The following RANBP17 variants were observed in gnomAD, a reference collection of about 807,000 sequenced individuals.
RANBP17 encodes ran-binding protein 17.
RANBP17 carries 158 observed loss-of-function variants against 141.2 expected under a neutral mutation model. The observed-to-expected ratio is 1.12, with a 90% CI of 0.98 to 1.28. RANBP17 has a LOEUF of 1.28. Ranked by LOEUF, RANBP17 falls within the 50% of genes most tolerant of loss-of-function variation. RANBP17 has a pLI of 0.00. For synonymous variants in RANBP17, 430 were observed against 450.0 expected (o/e 0.96, Z 0.56); for missense variants, 1,438 against 1,290.7 (o/e 1.11, Z -1.75).
At chr5:171,108,237 G>A (rs1754984046) in intron 14 of RANBP17, among the ~76,000 whole-genome samples, 1 of 152,030 alleles carries the variant, frequency 6.6e-6, no homozygotes, top group South Asian at 2.1e-4. Context: ...AGGTGGGGGA[G>A]GGTCTTAATT....
At chr5:171,063,950 G>A (rs980581575) in intron 14 of RANBP17, among the ~76,000 whole-genome samples, 6 of 152,224 alleles carry the variant, frequency 3.9e-5, no homozygotes, top group African/African-American at 9.6e-5. Flanking sequence ...CTCCGTGGGC[G>A]TAGGACCCTC....
intron 18 of RANBP17, among the ~76,000 whole-genome samples, chr5:171,195,491 G>A (rs540097953): frequency 7.2e-5 from 11 of 152,182 alleles, no homozygotes; most frequent in Non-Finnish European, 1.0e-4. Context: ...GACTAAAAAC[G>A]TAAACATTTC....
chr5:171,035,557 AG>A (rs1298886081), intron 14 of RANBP17, among the ~76,000 whole-genome samples: 1 of 144,728 alleles, frequency 6.9e-6, no homozygotes, highest in Non-Finnish European at 1.5e-5. Flanking sequence ...TTTGTTTTTT[AG>A]GGTTTTTTTT....
intron 14 of RANBP17, among the ~76,000 whole-genome samples, chr5:171,061,411 C>T (rs7380259): frequency 0.024 from 2,488 of 102,746 alleles, 53 homozygotes; most frequent in East Asian, 0.1. Flanking sequence ...GCCTTCATTT[C>T]GTTATGTACC....
rs778161147 is a variant in RANBP17 at position 170,953,718 on chromosome 5, G to A, written c.1574+16G>A. On this transcript the variant is annotated intron_variant, in intron 13 of 27. Coordinates refer to ENST00000523189, the MANE Select transcript of RANBP17 (RefSeq NM_022897.5). ...TATCCTGTCGGTAAGTAAGAGCTATGTAATTTACTGAAATTCACTAAATAG... is the reference window on the plus strand; with the variant it reads ...TATCCTGTCGGTAAGTAAGAGCTATATAATTTACTGAAATTCACTAAATAG... 11 of 1,487,108 alleles carry A rather than the reference G, an allele frequency of 7.4e-6. No individual in the cohort carries two copies. In the East Asian group the frequency reaches 2.0e-4, roughly 28 times the overall value. The allele number at this position is 1,487,108 out of a possible 1,614,324, so 92.1% of individuals were successfully genotyped here.
rs1360101915 is a variant in RANBP17, at chr5:171,155,027, GAAAT to G, written c.1711-15102_1711-15099del. ...CGGGAGGCAGAGGTTGCAGTGAGCT[GAAAT>G]CACGCCACTGCACTCCAGCCTGGGC... On this transcript the variant is annotated intron_variant, in intron 14 of 27. Coordinates refer to ENST00000523189, the MANE Select transcript of RANBP17 (RefSeq NM_022897.5). Among the ~76,000 whole-genome samples the G allele has an allele frequency of 8.0e-5, 11 of 138,220 alleles. No individual in the cohort carries two copies. In the East Asian group the frequency reaches 2.2e-3, roughly 27 times the overall value. The allele number at this position is 138,220 out of a possible 152,430, so 90.7% of individuals were successfully genotyped here.
At chr5:171,140,360 C>G (rs1243576676) in intron 14 of RANBP17, among the ~76,000 whole-genome samples, 1 of 152,190 alleles carries the variant, frequency 6.6e-6, no homozygotes, top group Non-Finnish European at 1.5e-5. Context: ...GAATATTTAT[C>G]AAGCTCACAT....
rs766122537 is a variant in RANBP17, at chr5:170,911,151, G to T, written c.760+17G>T. The T allele has an allele frequency of 1.9e-6, 3 of 1,608,622 alleles. No individual in the cohort carries two copies. Among genetic ancestry groups the T allele is most frequent in the Non-Finnish European group, 2.6e-6 (3 of 1,176,250 alleles). On this transcript the variant is annotated intron_variant, in intron 7 of 27. Coordinates refer to ENST00000523189, the MANE Select transcript of RANBP17 (RefSeq NM_022897.5). ...GGAGAACAAGTAAGAAAAAACTTTG[G>T]TATGAAGGGTCATCAACATAAAGGC...
At chr5:171,050,374 A>G (rs1170204145) in intron 14 of RANBP17, among the ~76,000 whole-genome samples, 2 of 152,236 alleles carry the variant, frequency 1.3e-5, no homozygotes, top group Non-Finnish European at 2.9e-5. Context: ...CACTCTTTGT[A>G]TATAACATAT....
At chr5:171,094,735 G>A (rs1459787340) in intron 14 of RANBP17, among the ~76,000 whole-genome samples, 2 of 152,098 alleles carry the variant, frequency 1.3e-5, no homozygotes, top group Non-Finnish European at 2.9e-5. Context: ...CTTGCTATAT[G>A]GTAGTATCTG....
At chr5:170,874,341 A>T (rs1266740501) in intron 1 of RANBP17, among the ~76,000 whole-genome samples, 1 of 152,218 alleles carries the variant, frequency 6.6e-6, no homozygotes, top group Non-Finnish European at 1.5e-5. Context: ...GATATCTATC[A>T]GGTCCCCTTG....
chr5:170,938,542 C>G (rs1774069361), intron 12 of RANBP17, among the ~76,000 whole-genome samples: 1 of 152,032 alleles, frequency 6.6e-6, no homozygotes, highest in Non-Finnish European at 1.5e-5. Context: ...GAATATAAAG[C>G]AATTATGTGC....
intron 24 of RANBP17, among the ~76,000 whole-genome samples, chr5:171,254,176 G>A (rs1328252995): frequency 6.6e-6 from 1 of 151,720 alleles, no homozygotes; most frequent in East Asian, 1.9e-4. Flanking sequence ...GAACCTGGGG[G>A]GCGGAGGTTG....
chr5:170,922,882 A>T (rs1391272379), intron 11 of RANBP17, among the ~76,000 whole-genome samples: 2 of 152,082 alleles, frequency 1.3e-5, no homozygotes, highest in Non-Finnish European at 2.9e-5. Context: ...GAAATGCAGA[A>T]ATCACCCATC....
At chr5:171,202,851 A>G (rs757490920) in intron 19 of RANBP17, among the ~76,000 whole-genome samples, 1 of 152,176 alleles carries the variant, frequency 6.6e-6, no homozygotes. Flanking sequence ...TTGTTATTAT[A>G]TAGTAGAATT....
intron 16 of RANBP17, among the ~76,000 whole-genome samples, chr5:171,180,294 C>T (rs951188264): frequency 5.3e-5 from 8 of 152,168 alleles, no homozygotes; most frequent in African/African-American, 1.9e-4. Context: ...TCTGATATAG[C>T]CTAGTGAAAA....
chr5:170,919,530 AC>A lies in RANBP17; in HGVS notation c.1195del (p.His399ThrfsTer3), dbSNP rs1210622042. On this transcript the variant is annotated frameshift_variant, in exon 11 of 28. Coordinates refer to ENST00000523189, the MANE Select transcript of RANBP17 (RefSeq NM_022897.5). LOFTEE classifies it high-confidence loss of function. Reference protein sequence around the residue: ...ASVPFVKSTEPHLLDTYAPEI... With the variant: ...ASVPFVKSTEXHLLDTYAPEI... Reference sequence around the variant, plus strand: ...CTGTTCCTTTTGTGAAATCAACTGAACCCCACCTATTAGACACTTATGCACC... The same window carrying A: ...CTGTTCCTTTTGTGAAATCAACTGAACCCACCTATTAGACACTTATGCACC... 2 of 1,611,052 alleles carry A rather than the reference AC, an allele frequency of 1.2e-6. No homozygotes were observed. The highest frequency in any genetic ancestry group is 3.4e-5 in the Admixed American group (2 of 59,468).
intron 25 of RANBP17, among the ~76,000 whole-genome samples, chr5:171,274,386 CT>C (rs1767366532): frequency 6.6e-6 from 1 of 151,850 alleles, no homozygotes; most frequent in African/African-American, 2.4e-5. Flanking sequence ...GACATTTTAC[CT>C]ATGATGTTAT....
intron 14 of RANBP17, among the ~76,000 whole-genome samples, chr5:171,132,611 A>G (rs538277570): frequency 9.9e-5 from 15 of 152,084 alleles, no homozygotes; most frequent in East Asian, 3.9e-4. Context: ...CGTCCCAGCT[A>G]TTCAGGAGGC....
Sources: allele counts gnomAD v4.1 joint callset (sites outside exome capture counted in the v4.1 genomes callset), GRCh38; gene constraint gnomAD v4.1.1; transcripts MANE v1.5; gene names NCBI Gene and HGNC (gene_info 2026-07-23, HGNC 2026-07-21).